NDFIP2: variants seen among roughly 807,000 people sequenced by gnomAD.
NDFIP2 encodes the protein Nedd4 family interacting protein 2, also known as NEDD4 family-interacting protein 2.
A neutral mutation model predicts 36.0 loss-of-function variants in NDFIP2; 19 were observed. The ratio of observed to expected loss-of-function variants is 0.53; its 90% confidence interval spans 0.37 to 0.77. NDFIP2 has a LOEUF of 0.77. Among genes scored for constraint, NDFIP2 ranks in the 30% least tolerant of loss-of-function variants. NDFIP2 has a pLI of 0.00. For synonymous variants in NDFIP2, 181 were observed against 167.7 expected (o/e 1.08, Z -0.61); for missense variants, 446 against 435.8 (o/e 1.02, Z -0.21).
chr13:79,533,579 G>T (rs1291299243), intron 3 of NDFIP2, 123 bp downstream of exon 3: 1 of 742,880 alleles, frequency 1.3e-6, no homozygotes, highest in Non-Finnish European at 2.0e-6. Flanking sequence ...GAGCATTATG[G>T]GTTTAAACTG....
intron 1 of NDFIP2, among the ~76,000 whole-genome samples, chr13:79,483,071 C>T (rs1380133983): frequency 1.3e-5 from 2 of 152,140 alleles, no homozygotes; most frequent in East Asian, 3.8e-4. Context: ...CCCAACAACT[C>T]CTTTCAAAAT....
In NDFIP2 at chr13:79,555,781, C is replaced by T. The variant is rs1477620584; in HGVS notation, c.*3268C>T. On this transcript the variant is annotated 3_prime_UTR_variant, in exon 8 of 8. Coordinates refer to ENST00000218652, the MANE Select transcript of NDFIP2 (RefSeq NM_019080.3). ...GTGCCATTCATTATCATAGGAATGT[C>T]CTTGCCCATATATAAAACATGCTGG... 1 of 152,026 alleles carries T rather than the reference C, an allele frequency of 6.6e-6. No homozygotes were observed. The highest frequency in any genetic ancestry group is 1.5e-5 in the Non-Finnish European group (1 of 67,978). 9.4% of individuals were successfully genotyped at this position (152,026 alleles called of 1,614,324 possible). A position where few individuals can be genotyped will look rare whatever the true frequency, so the allele number is the denominator to read the frequency against.
At chr13:79,481,578 G>C (rs2079813637) in intron 1 of NDFIP2, 54 bp downstream of exon 1, 19 of 1,501,448 alleles carry the variant, frequency 1.3e-5, no homozygotes, top group Middle Eastern at 1.8e-4. Flanking sequence ...GCGGCGTCCC[G>C]AGAGTCCCTT....
At chr13:79,503,930 GTCT>G (rs1873761523) in intron 1 of NDFIP2, among the ~76,000 whole-genome samples, 1 of 152,158 alleles carries the variant, frequency 6.6e-6, no homozygotes, top group Non-Finnish European at 1.5e-5. Flanking sequence ...AATTTTCCTT[GTCT>G]TCTTGTTCCC....
intron 1 of NDFIP2, among the ~76,000 whole-genome samples, chr13:79,510,964 A>C (rs1310765598): frequency 1.4e-5 from 2 of 145,460 alleles, no homozygotes; most frequent in Non-Finnish European, 3.0e-5. Flanking sequence ...TTGCCACTTC[A>C]CTCAAGCCTG....
At chr13:79,497,826 GTGTA>G (rs1314750250) in intron 1 of NDFIP2, among the ~76,000 whole-genome samples, 2 of 150,008 alleles carry the variant, frequency 1.3e-5, no homozygotes, top group African/African-American at 4.9e-5. Flanking sequence ...GTGTGTGTGT[GTGTA>G]TGTGTGTACT....
intron 1 of NDFIP2, among the ~76,000 whole-genome samples, chr13:79,496,836 A>G (rs1047566098): frequency 2.0e-5 from 3 of 151,632 alleles, no homozygotes; most frequent in Admixed American, 6.6e-5. Flanking sequence ...TTTATTTCAT[A>G]TTTATTATTT....
At position 79,489,751 on chromosome 13, in the gene NDFIP2, T is replaced by C. The variant is rs769004731; in HGVS notation, c.321+8227T>C. On this transcript the variant is annotated intron_variant, in intron 1 of 7. Transcript: ENST00000218652. The stretch of plus-strand genomic sequence containing the variant: ...TTGATTGAAGATATAGGAGGAAAGC[T>C]GTATGGCTGCAGCAAAGTTAAGGGG... Among the ~76,000 whole-genome samples, 30 of 152,158 alleles carry C rather than the reference T, an allele frequency of 2.0e-4. 1 individual carries two copies. The highest frequency in any genetic ancestry group is 5.9e-4 in the Admixed American group (9 of 15,280).
intron 1 of NDFIP2, among the ~76,000 whole-genome samples, chr13:79,517,094 GTCATT>G (rs1338062998): frequency 6.6e-6 from 1 of 152,022 alleles, no homozygotes; most frequent in Non-Finnish European, 1.5e-5. Flanking sequence ...GAGCTCTGTT[GTCATT>G]TTTTTTTCTT....
intron 1 of NDFIP2, among the ~76,000 whole-genome samples, chr13:79,516,810 T>A (rs2137081108): frequency 6.6e-6 from 1 of 152,284 alleles, no homozygotes; most frequent in South Asian, 2.1e-4. Context: ...ATAGCACATC[T>A]ACACATTCTT....
At chr13:79,528,515 C>G (rs969155528) in intron 2 of NDFIP2, among the ~76,000 whole-genome samples, 3 of 152,116 alleles carry the variant, frequency 2.0e-5, no homozygotes, top group African/African-American at 7.2e-5. Context: ...CGGTAGTGTA[C>G]AGTAATGTCC....
intron 1 of NDFIP2, among the ~76,000 whole-genome samples, chr13:79,495,070 T>G (rs1873386593): frequency 6.6e-6 from 1 of 151,956 alleles, no homozygotes; most frequent in South Asian, 2.1e-4. Context: ...TCTACTTATT[T>G]GATACTTTTC....
chr13:79,546,552 A>G (rs973085969), intron 5 of NDFIP2, among the ~76,000 whole-genome samples: 5 of 152,198 alleles, frequency 3.3e-5, no homozygotes, highest in Admixed American at 3.3e-4. Flanking sequence ...ATATGAAAAA[A>G]ACAACAGTTG....
chr13:79,499,835 A>T (rs1163274687), intron 1 of NDFIP2, among the ~76,000 whole-genome samples: 1 of 151,988 alleles, frequency 6.6e-6, no homozygotes, highest in Non-Finnish European at 1.5e-5. Flanking sequence ...TTAAAATCCA[A>T]GCAAGCTATT....
At chr13:79,516,449 C>T (rs1404318557) in intron 1 of NDFIP2, among the ~76,000 whole-genome samples, 1 of 152,058 alleles carries the variant, frequency 6.6e-6, no homozygotes, top group Non-Finnish European at 1.5e-5. Flanking sequence ...TCTTGAATTC[C>T]TGGGCTCCAG....
At chr13:79,504,847 T>G (rs1452456908) in intron 1 of NDFIP2, among the ~76,000 whole-genome samples, 2 of 152,232 alleles carry the variant, frequency 1.3e-5, no homozygotes, top group Non-Finnish European at 2.9e-5. Context: ...AGGAAGAGTT[T>G]TCTCTTGCTC....
intron 5 of NDFIP2, among the ~76,000 whole-genome samples, chr13:79,544,492 G>GTT (rs10714865): frequency 1.9e-4 from 27 of 142,374 alleles, no homozygotes; most frequent in Admixed American, 9.2e-4. Context: ...TTTCTTCCTA[G>GTT]TTTTTTTTTT....
rs140293747 is a variant in NDFIP2, at chr13:79,545,964, G to A, written c.840+2282G>A. 9.2e-3 allele frequency among the ~76,000 whole-genome samples: 1,406 copies of A among 152,254 alleles called. 17 individuals carry two copies. The highest frequency in any genetic ancestry group is 0.013 in the Non-Finnish European group (870 of 68,006). On this transcript the variant is annotated intron_variant, in intron 5 of 7. Coordinates refer to ENST00000218652, the MANE Select transcript of NDFIP2 (RefSeq NM_019080.3). ...TTGCCCAGGCTGATCTCAAGCTCAG[G>A]CAATCTGCCTGCCTTGGCCTCCCAA...
chr13:79,519,330 A>C (rs954428352), intron 1 of NDFIP2, among the ~76,000 whole-genome samples: 1 of 152,224 alleles, frequency 6.6e-6, no homozygotes, highest in African/African-American at 2.4e-5. Context: ...TATCTTAAAA[A>C]TTTTTAATAA....
Sources: gnomAD v4.1 joint callset for allele counts (sites outside exome capture counted in the v4.1 genomes callset) on GRCh38, gnomAD v4.1.1 for gene constraint, MANE v1.5 for transcripts, NCBI Gene and HGNC (gene_info 2026-07-23, HGNC 2026-07-21) for gene names.